KLHL29: variants seen among roughly 807,000 people sequenced by gnomAD.
KLHL29 encodes kelch-like protein 29.
KLHL29 carries 21 observed loss-of-function variants against 80.4 expected under a neutral mutation model. The ratio of observed to expected loss-of-function variants is 0.26; its 90% CI spans 0.19 to 0.38. The LOEUF (loss-of-function observed/expected upper bound fraction) is 0.38. KLHL29 is among the 10% of genes least tolerant of loss of function. The probability of loss-of-function intolerance (pLI) is 1.00; values close to 1 mark genes in which losing one functional copy is unlikely to be tolerated. For missense variants in KLHL29, 867 were observed against 1,223.9 expected, an observed-to-expected ratio of 0.71 and a Z score of 4.35; for synonymous variants, 511 against 526.8, an observed-to-expected ratio of 0.97 and a Z score of 0.41.
chr2:23,407,360 A>G (rs2103392632), intron 1 of KLHL29, among the ~76,000 whole-genome samples: 1 of 151,984 alleles, frequency 6.6e-6, no homozygotes, highest in Non-Finnish European at 1.5e-5. Flanking sequence ...GAGTAATGGT[A>G]TCTCGTGGTC....
At chr2:23,552,273 T>C (rs972615296) in intron 2 of KLHL29, among the ~76,000 whole-genome samples, 5 of 152,234 alleles carry the variant, frequency 3.3e-5, no homozygotes, top group African/African-American at 7.2e-5. Context: ...AAGAAACTTC[T>C]GGCCATGCTG....
chr2:23,686,705 G>A (rs912058796), intron 6 of KLHL29, among the ~76,000 whole-genome samples: 2 of 152,118 alleles, frequency 1.3e-5, no homozygotes, highest in Admixed American at 6.5e-5. Flanking sequence ...GCAGCCTGAC[G>A]GACGCCCAGG....
chr2:23,610,217 G>T (rs1350287570), intron 3 of KLHL29, among the ~76,000 whole-genome samples: 1 of 152,184 alleles, frequency 6.6e-6, no homozygotes, highest in Non-Finnish European at 1.5e-5. Flanking sequence ...TGCTGGGTCT[G>T]TTGGGCCCAT....
chr2:23,595,321 C>T (rs542285834), intron 3 of KLHL29, among the ~76,000 whole-genome samples: 6 of 152,312 alleles, frequency 3.9e-5, no homozygotes, highest in Admixed American at 2.0e-4. Flanking sequence ...CCTACCAAAG[C>T]CAGCATTTTT....
chr2:23,604,249 G>A (rs1055435559), intron 3 of KLHL29, among the ~76,000 whole-genome samples: 8 of 145,212 alleles, frequency 5.5e-5, no homozygotes, highest in Admixed American at 1.4e-4. Context: ...GACTACAGGC[G>A]CCCGCCACCA....
chr2:23,511,763 T>C (rs1665779384), intron 2 of KLHL29, among the ~76,000 whole-genome samples: 1 of 152,114 alleles, frequency 6.6e-6, no homozygotes, highest in Non-Finnish European at 1.5e-5. Context: ...GGCTTAAGAG[T>C]TTCAGATGTT....
Position 23,453,894 on chromosome 2 carries a change from A to C in KLHL29, c.-153-21666A>C, listed in dbSNP as rs112315464. On this transcript the variant is annotated intron_variant, in intron 1 of 13. Coordinates refer to ENST00000486442, the MANE Select transcript of KLHL29 (RefSeq NM_052920.2). ...TATTTAACCTGCATTTACCCTTTAA[A>C]AATGGGGAGGAGGTTTTAGAACTGC... Among the ~76,000 whole-genome samples the C allele has an allele frequency of 1.0e-3, 159 of 152,140 alleles. 4 individuals carry two copies. The highest frequency in any genetic ancestry group is 2.4e-4 in the Non-Finnish European group (16 of 68,026).
intron 2 of KLHL29, among the ~76,000 whole-genome samples, chr2:23,543,362 G>T (rs2103484743): frequency 6.6e-6 from 1 of 152,280 alleles, no homozygotes; most frequent in Non-Finnish European, 1.5e-5. Flanking sequence ...CCACAGAGAT[G>T]GTGATGAAAA....
At chr2:23,595,241 A>G (rs2103518874) in intron 3 of KLHL29, among the ~76,000 whole-genome samples, 1 of 152,168 alleles carries the variant, frequency 6.6e-6, no homozygotes, top group Admixed American at 6.5e-5. Flanking sequence ...GAGGGGAAGG[A>G]ACCCTTCTTT....
intron 2 of KLHL29, among the ~76,000 whole-genome samples, chr2:23,556,757 G>C (rs1667308261): frequency 6.6e-6 from 1 of 152,140 alleles, no homozygotes; most frequent in African/African-American, 2.4e-5. Context: ...CCAGAGCCAA[G>C]TTGGCACATA....
At chr2:23,412,704 C>G (rs1243335520) in intron 1 of KLHL29, among the ~76,000 whole-genome samples, 1 of 152,116 alleles carries the variant, frequency 6.6e-6, no homozygotes, top group African/African-American at 2.4e-5. Flanking sequence ...AAAAAAGTTC[C>G]ACAGGGGTCA....
At chr2:23,559,165 C>A (rs920136461) in intron 2 of KLHL29, among the ~76,000 whole-genome samples, 7 of 152,142 alleles carry the variant, frequency 4.6e-5, no homozygotes, top group African/African-American at 1.7e-4. Context: ...GACTTGGACC[C>A]TGAGCTGAAA....
chr2:23,496,096 G>A (rs1482840318), intron 2 of KLHL29, among the ~76,000 whole-genome samples: 2 of 152,154 alleles, frequency 1.3e-5, no homozygotes, highest in Non-Finnish European at 2.9e-5. Flanking sequence ...GTGCCCGGAC[G>A]GCACTGCTCA....
At chr2:23,480,686 AT>A (rs1469944933) in intron 2 of KLHL29, among the ~76,000 whole-genome samples, 1 of 152,208 alleles carries the variant, frequency 6.6e-6, no homozygotes, top group Admixed American at 6.5e-5. Flanking sequence ...ATATTCCTGG[AT>A]GATGTGTAAT....
chr2:23,414,207 C>T (rs373994603), intron 1 of KLHL29, among the ~76,000 whole-genome samples: 3 of 152,204 alleles, frequency 2.0e-5, no homozygotes, highest in South Asian at 2.1e-4. Context: ...TCTCACTGAG[C>T]GAGAGGAGAC....
At chr2:23,518,950 T>C (rs1666018728) in intron 2 of KLHL29, among the ~76,000 whole-genome samples, 1 of 152,230 alleles carries the variant, frequency 6.6e-6, no homozygotes, top group Non-Finnish European at 1.5e-5. Context: ...TTCTTTTTAT[T>C]AGTGACTTCC....
intron 5 of KLHL29, among the ~76,000 whole-genome samples, chr2:23,671,303 T>A (rs1670750587): frequency 6.6e-6 from 1 of 152,012 alleles, no homozygotes; most frequent in East Asian, 1.9e-4. Flanking sequence ...TCCTTGTGGC[T>A]CTCTGCTGCC....
chr2:23,696,260 C>T lies in KLHL29; in HGVS notation c.1925-73C>T, dbSNP rs546437569. ...TTGCAGGTGAAGCCTTCCTCTGCCC[C>T]TGGGGCTGGGCCTGCTGACCCCAGG... is the stretch of plus-strand genomic sequence containing the variant. On this transcript the variant is annotated intron_variant, in intron 10 of 13. Transcript: ENST00000486442. The surrounding 1 kb of genome is among the most constrained non-coding windows in gnomAD (Gnocchi z 5.5). 17 of 1,503,880 alleles carry T rather than the reference C, an allele frequency of 1.1e-5. No homozygotes were observed. The Admixed American group carries it at 1.8e-4, about 16-fold the overall frequency. 93.2% of individuals were successfully genotyped at this position (1,503,880 alleles called of 1,614,324 possible).
chr2:23,417,020 T>C (rs1435994370), intron 1 of KLHL29, among the ~76,000 whole-genome samples: 3 of 152,176 alleles, frequency 2.0e-5, no homozygotes, highest in African/African-American at 7.2e-5. Flanking sequence ...CCTGGGTTCC[T>C]ATCTCATGGC....
Sources: allele counts gnomAD v4.1 joint callset (sites outside exome capture counted in the v4.1 genomes callset), GRCh38; gene constraint gnomAD v4.1.1; non-coding constraint Gnocchi (gnomAD v3.1); transcripts MANE v1.5; gene names NCBI Gene and HGNC (gene_info 2026-07-23, HGNC 2026-07-21).